The following SPRED3 variants were observed in gnomAD, a reference collection of about 807,000 sequenced individuals.
The protein encoded by SPRED3 is sprouty-related, EVH1 domain-containing protein 3.
In SPRED3, 23 loss-of-function variants were observed where a neutral mutation model predicts 37.6. The observed-to-expected ratio is 0.61, with a 90% CI of 0.44 to 0.87. The LOEUF is 0.87. Ranked by LOEUF, SPRED3 falls within the 40% of genes least tolerant of loss-of-function variation. SPRED3 has a pLI of 0.00. For synonymous variants in SPRED3, 302 were observed against 279.6 expected, an observed-to-expected ratio of 1.08 and a Z score of -0.80; for missense variants, 584 against 618.6, an observed-to-expected ratio of 0.94 and a Z score of 0.59.
chr19:38,390,248 G>A (rs1970810577), intron 1 of SPRED3, 51 bp from the exon 2 acceptor site: 2 of 1,322,754 alleles, frequency 1.5e-6, no homozygotes, highest in Non-Finnish European at 2.0e-6. Flanking sequence ...GGGAGAGCAG[G>A]GTTTGAGCTC....
At position 38,397,903 on chromosome 19, in the gene SPRED3, T is replaced by TAAAAAAAAAAAAAAAA. The variant is rs774014740; in HGVS notation, c.*1773_*1774insAAAAAAAAAAAAAAAA. The stretch of plus-strand genomic sequence containing the variant: ...CTGGGCAATGTAGTGAGACCGTCTC[T>TAAAAAAAAAAAAAAAA]AAAAAAAAAAAAAAAGGACCAAGTA... On this transcript the variant is annotated 3_prime_UTR_variant, in exon 6 of 6. Transcript: ENST00000691638. 1 of 131,978 alleles carries TAAAAAAAAAAAAAAAA rather than the reference T, an allele frequency of 7.6e-6. No homozygotes were observed. The highest frequency in any genetic ancestry group is 2.9e-5 in the African/African-American group (1 of 34,234). The allele number at this position is 131,978 out of a possible 1,614,324, so 8.2% of individuals were successfully genotyped here. A position where few individuals can be genotyped will look rare whatever the true frequency, so the allele number is the denominator to read the frequency against.
chr19:38,395,482 CT>C lies in SPRED3; in HGVS notation c.571del (p.Tyr191ThrfsTer57), dbSNP rs1970882689. On this transcript the variant is annotated frameshift_variant, in exon 6 of 6. Transcript: ENST00000691638. LOFTEE classifies it high-confidence loss of function. The surrounding 1 kb of genome is among the most constrained non-coding windows in gnomAD (Gnocchi z 5.2). Reference protein sequence around the residue: ...PQRRRSSAQSYPPLLPFTGIP... With the variant: ...PQRRRSSAQSXPPLLPFTGIP... ...CTGTTTGTCCCTTCGTTCCGCAGAG[CT>C]ACCCTCCGCTTCTACCGTTCACGGG... 2 of 1,485,520 alleles carry C rather than the reference CT, an allele frequency of 1.3e-6. No individual in the cohort carries two copies. The highest frequency in any genetic ancestry group is 8.9e-7 in the Non-Finnish European group (1 of 1,120,892). The allele number at this position is 1,485,520 out of a possible 1,614,324, so 92.0% of individuals were successfully genotyped here. A position where few individuals can be genotyped will look rare whatever the true frequency, so the allele number is the denominator to read the frequency against.
At chr19:38,391,454 G>C (rs1002530902) in intron 2 of SPRED3, among the ~76,000 whole-genome samples, 8 of 152,170 alleles carry the variant, frequency 5.3e-5, no homozygotes, top group Non-Finnish European at 1.2e-4. Context: ...GAGCCAGAGG[G>C]GGGATGTTGG....
chr19:38,396,119 G>C lies in SPRED3; in HGVS notation c.1207G>C (p.Gly403Arg), dbSNP rs1568397137. The change falls in exon 6 of 6, where the codon GGT becomes CGT. Residue 403 changes from glycine (G) to arginine (R), a missense_variant. Coordinates refer to ENST00000691638, the MANE Select transcript of SPRED3 (RefSeq NM_001394336.1). ...GCGATGCGGCTGCGCCGGCTGCGGGGGTCGCCACGAGGAGGCTGCGCGGTG... is the reference window on the plus strand; with the variant it reads ...GCGATGCGGCTGCGCCGGCTGCGGGCGTCGCCACGAGGAGGCTGCGCGGTG... The part of the protein sequence containing the change: ...AARCGCAGCG[G>R]RHEEAAR 7.8e-7 allele frequency: 1 copy of C among 1,284,936 alleles called. No homozygotes were observed. The highest frequency in any genetic ancestry group is 3.1e-5 in the East Asian group (1 of 32,044). The allele number at this position is 1,284,936 out of a possible 1,614,324, so 79.6% of individuals were successfully genotyped here.
Position 38,395,907 on chromosome 19 carries a change from T to C in SPRED3, c.995T>C (p.Leu332Pro). 1 of 1,510,500 alleles carries C rather than the reference T, an allele frequency of 6.6e-7. No homozygotes were observed. The highest frequency in any genetic ancestry group is 2.7e-5 in the East Asian group (1 of 36,580). 93.6% of individuals were successfully genotyped at this position (1,510,500 alleles called of 1,614,324 possible). The change falls in exon 6 of 6, where the codon CTG becomes CCG. Residue 332 changes from leucine to proline, a missense_variant. By Grantham distance (98) the Leu-to-Pro change is moderately conservative. Transcript: ENST00000691638. The surrounding 1 kb of genome is among the most constrained non-coding windows in gnomAD (Gnocchi z 5.2). ...GRLLVRRLSC[L>P]WCAESLLYHC... ...CTCCTGGTGCGCCGTCTAAGCTGCC[T>C]GTGGTGCGCCGAGAGCTTGCTCTAC... is the stretch of plus-strand genomic sequence containing the variant.
rs912548456 is a variant in SPRED3, at chr19:38,391,342, G to A, written c.178-604G>A. On this transcript the variant is annotated intron_variant, in intron 2 of 5. Transcript: ENST00000691638. Reference sequence around the variant, plus strand: ...TCATCTGGAAAAAAAAAAAAAAAAAGAGAGAGAGAATATTTTTTGGGTAAA... The same window carrying A: ...TCATCTGGAAAAAAAAAAAAAAAAAAAGAGAGAGAATATTTTTTGGGTAAA... 2.8e-4 allele frequency among the ~76,000 whole-genome samples: 41 copies of A among 144,180 alleles called. 1 individual carries two copies. The highest frequency in any genetic ancestry group is 4.6e-4 in the Non-Finnish European group (31 of 66,826). 94.6% of individuals were successfully genotyped at this position (144,180 alleles called of 152,430 possible). A position where few individuals can be genotyped will look rare whatever the true frequency, so the allele number is the denominator to read the frequency against.
intron 4 of SPRED3, among the ~76,000 whole-genome samples, chr19:38,393,384 G>GTT (rs1348261033): frequency 9.2e-6 from 1 of 108,622 alleles, no homozygotes; most frequent in Non-Finnish European, 1.7e-5. Flanking sequence ...ATCTTGCACT[G>GTT]TTGCCCAGGC....
chr19:38,395,615 T>A lies in SPRED3; in HGVS notation c.703T>A (p.Ser235Thr). The A allele has an allele frequency of 6.5e-7, 1 of 1,547,702 alleles. No homozygotes were observed. The highest frequency in any genetic ancestry group is 1.4e-5 in the African/African-American group (1 of 70,726). The change falls in exon 6 of 6, where the codon TCC (serine) becomes ACC (threonine). Residue 235 changes from serine (S) to threonine (T), a missense_variant. By Grantham distance (58) the Ser-to-Thr change is moderately conservative. Around this residue, in one of 7 missense-constraint regions of SPRED3, gnomAD observed 310 missense variants for 281.1 expected, o/e 1.10. Coordinates refer to ENST00000691638, the MANE Select transcript of SPRED3 (RefSeq NM_001394336.1). The surrounding 1 kb of genome is among the most constrained non-coding windows in gnomAD (Gnocchi z 5.2). Reference protein sequence around the residue: ...RSGPPAPLALSTCVVRFAKTG... With the variant: ...RSGPPAPLALTTCVVRFAKTG... ...CGGGCCACCCGCGCCCCTCGCCCTG[T>A]CCACCTGCGTCGTGCGCTTCGCCAA...
In SPRED3 at chr19:38,395,944, G is replaced by A; in HGVS notation, c.1032G>A (p.Ser344=). Residue 344 remains serine (S), a synonymous_variant, in exon 6 of 6, where the codon TCG becomes TCA. Transcript: ENST00000691638. The surrounding 1 kb of genome is among the most constrained non-coding windows in gnomAD (Gnocchi z 5.2). ...AGAGCTTGCTCTACCACTGCCTGTC[G>A]GACGCCGAGGGCGACTTCTCGGACC... is the stretch of plus-strand genomic sequence containing the variant. ...CAESLLYHCL[S]DAEGDFSDPC... 1 of 1,499,090 alleles carries A rather than the reference G, an allele frequency of 6.7e-7. No individual in the cohort carries two copies. The highest frequency in any genetic ancestry group is 2.8e-5 in the East Asian group (1 of 35,746). 92.9% of individuals were successfully genotyped at this position (1,499,090 alleles called of 1,614,324 possible).
chr19:38,392,659 T>A (rs1970848003), intron 4 of SPRED3: 1 of 160,642 alleles, frequency 6.2e-6, no homozygotes, highest in Non-Finnish European at 1.4e-5. Context: ...AGTAAATGGA[T>A]GAACAAATTA....
chr19:38,395,865 C>T lies in SPRED3; in HGVS notation c.953C>T (p.Ala318Val). 1 of 1,490,204 alleles carries T rather than the reference C, an allele frequency of 6.7e-7. No homozygotes were observed. The highest frequency in any genetic ancestry group is 8.9e-7 in the Non-Finnish European group (1 of 1,127,830). The allele number at this position is 1,490,204 out of a possible 1,614,324, so 92.3% of individuals were successfully genotyped here. Residue 318 changes from alanine (A) to valine (V), a missense_variant, in exon 6 of 6, where the codon GCC becomes GTC. Physicochemically the swap from Ala to Val is moderately conservative, Grantham distance 64. This residue lies in a region of SPRED3 where 67 missense variants were observed against 57.4 expected (regional missense o/e 1.17). Coordinates refer to ENST00000691638, the MANE Select transcript of SPRED3 (RefSeq NM_001394336.1). This position sits in a 1 kb window ranked among gnomAD's most constrained non-coding sequence, Gnocchi z 5.2. Reference sequence around the variant, plus strand: ...GGGCGTGGCGGCCGCTGCGCAGAGGCCCCGGACCCGGGTCGCCTCCTGGTG... The same window carrying T: ...GGGCGTGGCGGCCGCTGCGCAGAGGTCCCGGACCCGGGTCGCCTCCTGGTG... ...ADGRGGRCAE[A>V]PDPGRLLVRR...
intron 4 of SPRED3, among the ~76,000 whole-genome samples, chr19:38,393,319 A>C (rs1970854946): frequency 7.2e-6 from 1 of 138,270 alleles, no homozygotes; most frequent in Admixed American, 7.2e-5. Flanking sequence ...CATTTTCCTT[A>C]TTTCCTTTCT....
chr19:38,396,123 G>A lies in SPRED3; in HGVS notation c.1211G>A (p.Arg404His). The A allele has an allele frequency of 2.3e-6, 3 of 1,280,988 alleles. No homozygotes were observed. Among genetic ancestry groups the A allele is most frequent in the South Asian group, 5.2e-5 (2 of 38,278 alleles). 79.4% of individuals were successfully genotyped at this position (1,280,988 alleles called of 1,614,324 possible). Residue 404 changes from arginine to histidine, a missense_variant, in exon 6 of 6, where the codon CGC becomes CAC. Coordinates refer to ENST00000691638, the MANE Select transcript of SPRED3 (RefSeq NM_001394336.1). ...ARCGCAGCGGRHEEAAR is the reference protein window; with the variant it reads ...ARCGCAGCGGHHEEAAR The stretch of plus-strand genomic sequence containing the variant: ...TGCGGCTGCGCCGGCTGCGGGGGTC[G>A]CCACGAGGAGGCTGCGCGGTGAGGA...
intron 2 of SPRED3, among the ~76,000 whole-genome samples, chr19:38,390,725 C>G (rs934497534): frequency 7.9e-5 from 12 of 151,686 alleles, no homozygotes; most frequent in Non-Finnish European, 1.5e-4. Context: ...ACTGCTCCTC[C>G]TCCCCGCTCC....
chr19:38,393,582 C>T (rs1029866743), intron 4 of SPRED3, among the ~76,000 whole-genome samples: 14 of 151,988 alleles, frequency 9.2e-5, no homozygotes, highest in African/African-American at 3.1e-4. Flanking sequence ...GTGATCTGCC[C>T]GCTTTGGCCT....
rs1181430127 is a variant in SPRED3, at chr19:38,396,741, G to A, written c.*596G>A. On this transcript the variant is annotated 3_prime_UTR_variant, in exon 6 of 6. Transcript: ENST00000691638. ...GACCCCTGAGAAAGTTTCAAACAGA[G>A]TTTGAAACTCTGTTATGCTCTGGAA... 6.6e-6 allele frequency: 1 copy of A among 152,042 alleles called. No homozygotes were observed. The highest frequency in any genetic ancestry group is 2.4e-5 in the African/African-American group (1 of 41,374). The allele number at this position is 152,042 out of a possible 1,614,324, so 9.4% of individuals were successfully genotyped here.
chr19:38,395,548 C>T lies in SPRED3; in HGVS notation c.636C>T (p.Gly212=). 6.4e-7 allele frequency: 1 copy of T among 1,553,792 alleles called. No homozygotes were observed. The highest frequency in any genetic ancestry group is 1.2e-5 in the South Asian group (1 of 83,144). ...EPSEPLAGAG[G]LGWGGRGYED... is the part of the protein sequence containing the mutation. ...CAGAGCCCCTGGCAGGGGCAGGGGG[C>T]CTGGGGTGGGGCGGCCGCGGCTACG... The change falls in exon 6 of 6, where the codon GGC becomes GGT. Residue 212 remains glycine, a synonymous_variant. Transcript: ENST00000691638. The surrounding 1 kb of genome is among the most constrained non-coding windows in gnomAD (Gnocchi z 5.2).
chr19:38,390,421 AGG>A lies in SPRED3; in HGVS notation c.126_127del (p.Ala43ProfsTer43). On this transcript the variant is annotated frameshift_variant, in exon 2 of 6. Transcript: ENST00000691638. LOFTEE classifies it high-confidence loss of function. Reference sequence around the variant, plus strand: ...TGTCGGGTCCGAGGGGCCAGGCCCGAGGGGGGGGCCCGCCAGGGGCACTACGT... The same window carrying A: ...TGTCGGGTCCGAGGGGCCAGGCCCGAGGGGGGCCCGCCAGGGGCACTACGT... The A allele has an allele frequency of 7.5e-7, 1 of 1,330,316 alleles. No individual in the cohort carries two copies. The highest frequency in any genetic ancestry group is 9.7e-7 in the Non-Finnish European group (1 of 1,035,540). 82.4% of individuals were successfully genotyped at this position (1,330,316 alleles called of 1,614,324 possible). A position where few individuals can be genotyped will look rare whatever the true frequency, so the allele number is the denominator to read the frequency against.
intron 1 of SPRED3, chr19:38,389,928 G>A: frequency 5.8e-6 from 1 of 170,978 alleles, no homozygotes; most frequent in Non-Finnish European, 1.2e-5. Flanking sequence ...GGGAGCACTG[G>A]GTGGGGCTGT....
Sources: allele counts gnomAD v4.1 joint callset (sites outside exome capture counted in the v4.1 genomes callset), GRCh38; gene constraint gnomAD v4.1.1; regional missense constraint gnomAD v4.1.1; non-coding constraint Gnocchi (gnomAD v3.1); transcripts MANE v1.5; gene names NCBI Gene and HGNC (gene_info 2026-07-23, HGNC 2026-07-21).